SLC30A7: variants seen among roughly 807,000 people sequenced by gnomAD.
SLC30A7 encodes the protein solute carrier family 30 member 7.
In SLC30A7, 35 loss-of-function variants were observed where a neutral mutation model predicts 46.0. The observed-to-expected ratio is 0.76, with a 90% CI of 0.58 to 1.01. SLC30A7 has a LOEUF of 1.01. SLC30A7 is among the 50% of genes least tolerant of loss of function. SLC30A7 has a pLI of 0.00. For synonymous variants in SLC30A7, 147 were observed against 157.8 expected (o/e 0.93, Z 0.51); for missense variants, 464 against 451.1 (o/e 1.03, Z -0.26).
chr1:100,911,027 C>G (rs376258051), intron 3 of SLC30A7, 36 bp from the exon 4 acceptor site: 27 of 1,451,776 alleles, frequency 1.9e-5, no homozygotes, highest in African/African-American at 1.3e-4. Context: ...TAAGAAATAA[C>G]ATAATAATTC....
chr1:100,951,192 T>A (rs1469977748), intron 8 of SLC30A7, among the ~76,000 whole-genome samples: 3 of 152,062 alleles, frequency 2.0e-5, no homozygotes, highest in Admixed American at 6.6e-5. Context: ...ATGCTGGCAG[T>A]TAGAAGGAAA....
chr1:100,990,469 A>G, the SLC30A7 span: 1 of 1,614,172 alleles, frequency 6.2e-7, no homozygotes, highest in Non-Finnish European at 8.5e-7. Flanking sequence ...CAGACTTAGC[A>G]TCTCCATCTC....
At chr1:100,933,899 T>G (rs1401579629) in intron 8 of SLC30A7, among the ~76,000 whole-genome samples, 1 of 152,256 alleles carries the variant, frequency 6.6e-6, no homozygotes, top group African/African-American at 2.4e-5. Context: ...ATACTGTTTC[T>G]TCCATGAAGC....
downstream of SLC30A7, among the ~76,000 whole-genome samples, chr1:100,982,415 G>T (rs1424221556): frequency 6.6e-6 from 1 of 152,080 alleles, no homozygotes; most frequent in Non-Finnish European, 1.5e-5. Flanking sequence ...GTGGCTTCTC[G>T]TCACATTCAT....
downstream of SLC30A7, among the ~76,000 whole-genome samples, chr1:100,982,558 C>T (rs563013779): frequency 1.3e-5 from 2 of 152,326 alleles, no homozygotes; most frequent in South Asian, 2.1e-4. Flanking sequence ...ACCTCCATTT[C>T]CTGAATCCCT....
chr1:100,915,192 CTTTT>C lies in SLC30A7; in HGVS notation c.655+1387_655+1390del, dbSNP rs1163775502. Among the ~76,000 whole-genome samples, 141 of 107,136 alleles carry C rather than the reference CTTTT, an allele frequency of 1.3e-3. 1 individual carries two copies. The highest frequency in any genetic ancestry group is 4.7e-3 in the African/African-American group (137 of 29,230). The allele number at this position is 107,136 out of a possible 152,430, so 70.3% of individuals were successfully genotyped here. On this transcript the variant is annotated intron_variant, in intron 6 of 10. Transcript: ENST00000357650. ...TTTTCTTTTTTCTTTTCTTTTCTTTCTTTTCTTTCTTTCTTTCTTTCTTTCTTTC... is the reference window on the plus strand; with the variant it reads ...TTTTCTTTTTTCTTTTCTTTTCTTTCCTTTCTTTCTTTCTTTCTTTCTTTC...
intron 10 of SLC30A7, among the ~76,000 whole-genome samples, chr1:100,973,958 A>T (rs143984780): frequency 3.0e-4 from 46 of 152,294 alleles, no homozygotes; most frequent in South Asian, 1.0e-3. Context: ...GGTTGAAATG[A>T]GTTCAAGAGA....
intron 2 of SLC30A7, among the ~76,000 whole-genome samples, chr1:100,900,413 T>G (rs1057212279): frequency 6.6e-6 from 1 of 152,228 alleles, no homozygotes; most frequent in Non-Finnish European, 1.5e-5. Context: ...CAGATGTTTG[T>G]AAAGTAATTC....
intron 3 of SLC30A7, among the ~76,000 whole-genome samples, chr1:100,908,225 C>T (rs1210785424): frequency 6.6e-6 from 1 of 151,884 alleles, no homozygotes; most frequent in Non-Finnish European, 1.5e-5. Flanking sequence ...ACTGCTCCCC[C>T]TTTCTCCCTG....
intron 8 of SLC30A7, among the ~76,000 whole-genome samples, chr1:100,926,326 G>A (rs985697094): frequency 3.9e-5 from 6 of 152,104 alleles, no homozygotes; most frequent in South Asian, 2.1e-4. Flanking sequence ...TCACAGTTCC[G>A]TAGGCTTTAC....
chr1:100,916,859 G>A (rs1232751117), intron 6 of SLC30A7, among the ~76,000 whole-genome samples: 2 of 152,024 alleles, frequency 1.3e-5, no homozygotes, highest in African/African-American at 4.8e-5. Context: ...GTGAGAACAT[G>A]CAATGTTTGT....
chr1:100,973,115 G>T (rs1490630255), intron 10 of SLC30A7, among the ~76,000 whole-genome samples: 1 of 150,984 alleles, frequency 6.6e-6, no homozygotes, highest in African/African-American at 2.4e-5. Context: ...TATTTCTTTT[G>T]CTGACAAGCT....
chr1:100,990,588 T>C, the SLC30A7 span: 2 of 1,614,090 alleles, frequency 1.2e-6, no homozygotes, highest in Non-Finnish European at 1.7e-6. Flanking sequence ...GGTCGTCGGC[T>C]CCAACCCTGG....
At chr1:100,943,715 G>A (rs1654475723) in intron 8 of SLC30A7, among the ~76,000 whole-genome samples, 1 of 152,214 alleles carries the variant, frequency 6.6e-6, no homozygotes, top group Non-Finnish European at 1.5e-5. Context: ...GACCAAATAT[G>A]TATTTTGTAA....
intron 2 of SLC30A7, among the ~76,000 whole-genome samples, chr1:100,904,559 T>G (rs1175994175): frequency 2.0e-5 from 3 of 152,100 alleles, no homozygotes; most frequent in Admixed American, 2.0e-4. Flanking sequence ...CTTTGTGTAT[T>G]TTGAAATTTT....
intron 10 of SLC30A7, among the ~76,000 whole-genome samples, chr1:100,967,823 G>T (rs1052536441): frequency 6.6e-6 from 1 of 152,100 alleles, no homozygotes; most frequent in Non-Finnish European, 1.5e-5. Context: ...TTGAATCTTG[G>T]ACTGGGGAAA....
At chr1:100,971,927 T>G (rs528944969) in intron 10 of SLC30A7, among the ~76,000 whole-genome samples, 1 of 152,302 alleles carries the variant, frequency 6.6e-6, no homozygotes, top group African/African-American at 2.4e-5. Context: ...ATTGAAGATA[T>G]TCTAAGCCTA....
chr1:100,899,176 G>C (rs561462341), intron 2 of SLC30A7, among the ~76,000 whole-genome samples: 9 of 152,314 alleles, frequency 5.9e-5, no homozygotes, highest in African/African-American at 1.9e-4. Flanking sequence ...AACGTAAACT[G>C]TATTAATGTA....
At chr1:100,964,545 C>G (rs1365591956) in intron 9 of SLC30A7, among the ~76,000 whole-genome samples, 1 of 151,998 alleles carries the variant, frequency 6.6e-6, no homozygotes, top group Admixed American at 6.6e-5. Flanking sequence ...ATCCACGTCA[C>G]TCTGACTCTA....
Sources: allele counts gnomAD v4.1 joint callset (sites outside exome capture counted in the v4.1 genomes callset), GRCh38; gene constraint gnomAD v4.1.1; transcripts MANE v1.5; gene names NCBI Gene and HGNC (gene_info 2026-07-23, HGNC 2026-07-21).